Variants in CEP126 observed in about 807,000 individuals in gnomAD.
CEP126 encodes centrosomal protein 126, also known as centrosomal protein of 126 kDa.
A neutral mutation model predicts 107.8 loss-of-function variants in CEP126; 74 were observed. The ratio of observed to expected loss-of-function variants is 0.69; its 90% CI spans 0.57 to 0.83. The LOEUF is 0.83. CEP126 is among the 40% of genes least tolerant of loss of function. The pLI, the probability that CEP126 is intolerant of heterozygous loss-of-function variation, is 0.00. For synonymous variants in CEP126, 449 were observed against 446.0 expected, an observed-to-expected ratio of 1.01 and a Z score of -0.08; for missense variants, 1,237 against 1,281.9, an observed-to-expected ratio of 0.96 and a Z score of 0.53.
chr11:101,930,869 T>C (rs187271062), intron 2 of CEP126, among the ~76,000 whole-genome samples: 2 of 152,300 alleles, frequency 1.3e-5, no homozygotes, highest in African/African-American at 2.4e-5. Context: ...TCTGTAGATA[T>C]GGAACTCACA....
intron 6 of CEP126, among the ~76,000 whole-genome samples, chr11:101,972,380 C>A (rs537912230): frequency 6.6e-6 from 1 of 151,602 alleles, no homozygotes; most frequent in Non-Finnish European, 1.5e-5. Flanking sequence ...GAGCCGAGAT[C>A]GCGCCACTGC....
intron 7 of CEP126, among the ~76,000 whole-genome samples, chr11:101,980,783 G>A (rs947097550): frequency 6.6e-6 from 1 of 152,172 alleles, no homozygotes; most frequent in African/African-American, 2.4e-5. Flanking sequence ...AAAGAGATAA[G>A]TGAAAGGTAG....
intron 9 of CEP126, among the ~76,000 whole-genome samples, chr11:101,988,253 A>T (rs1341138036): frequency 6.6e-6 from 1 of 152,204 alleles, no homozygotes; most frequent in Non-Finnish European, 1.5e-5. Context: ...GGAAATTGAA[A>T]ATATAATAAT....
chr11:101,966,093 C>A (rs1263644739), intron 6 of CEP126, among the ~76,000 whole-genome samples: 5 of 152,100 alleles, frequency 3.3e-5, no homozygotes, highest in Non-Finnish European at 1.5e-5. Context: ...GGAGGTAGTT[C>A]TCTCTGGGAC....
rs974917721 is a variant in CEP126 at position 101,981,983 on chromosome 11, A to G, written c.3034+19A>G. 11 of 1,321,102 alleles carry G rather than the reference A, an allele frequency of 8.3e-6. No individual in the cohort carries two copies. In the African/African-American group the frequency reaches 1.3e-4, roughly 16 times the overall value. The allele number at this position is 1,321,102 out of a possible 1,614,324, so 81.8% of individuals were successfully genotyped here. ...GAAGAAGGTATGTTTTAGTTTAAAC[A>G]TTTTTCTCTGATCTTTGTTCCCAGT... On this transcript the variant is annotated intron_variant, in intron 8 of 10. Coordinates refer to ENST00000263468, the MANE Select transcript of CEP126 (RefSeq NM_020802.4).
At chr11:101,925,423 G>A (rs1940391739) in intron 2 of CEP126, among the ~76,000 whole-genome samples, 1 of 151,976 alleles carries the variant, frequency 6.6e-6, no homozygotes, top group Non-Finnish European at 1.5e-5. Flanking sequence ...ATTATGTCAG[G>A]AAAAGAATTT....
chr11:101,920,504 A>G (rs572260918), intron 1 of CEP126, among the ~76,000 whole-genome samples: 9 of 152,298 alleles, frequency 5.9e-5, no homozygotes, highest in African/African-American at 2.2e-4. Context: ...TCTAAAAAAG[A>G]CAAATAGATA....
At chr11:101,957,547 G>T (rs901038390) in intron 4 of CEP126, among the ~76,000 whole-genome samples, 1 of 152,086 alleles carries the variant, frequency 6.6e-6, no homozygotes, top group African/African-American at 2.4e-5. Flanking sequence ...TATATTAAGG[G>T]TACGCTTCTG....
intron 4 of CEP126, among the ~76,000 whole-genome samples, chr11:101,953,086 T>G (rs1452128414): frequency 6.6e-6 from 1 of 152,232 alleles, no homozygotes; most frequent in African/African-American, 2.4e-5. Flanking sequence ...ATCTACCTAT[T>G]CTGGATAAGA....
intron 9 of CEP126, among the ~76,000 whole-genome samples, chr11:101,987,568 C>G (rs11225097): frequency 4.0e-5 from 6 of 151,476 alleles, no homozygotes; most frequent in African/African-American, 1.5e-4. Context: ...AGTAGTCTCA[C>G]AGAAGATCTT....
chr11:101,928,561 A>G (rs1223799518), intron 2 of CEP126, among the ~76,000 whole-genome samples: 2 of 152,158 alleles, frequency 1.3e-5, no homozygotes, highest in African/African-American at 4.8e-5. Context: ...GATGTGTACC[A>G]AAGTTTGGAG....
At chr11:101,994,378 T>A (rs575465007) in intron 10 of CEP126, among the ~76,000 whole-genome samples, 1 of 152,364 alleles carries the variant, frequency 6.6e-6, no homozygotes, top group South Asian at 2.1e-4. Context: ...TTTAGCTAGG[T>A]TCCATTTGTC....
chr11:101,976,619 G>A (rs12797831), intron 6 of CEP126, among the ~76,000 whole-genome samples: 3 of 152,054 alleles, frequency 2.0e-5, no homozygotes, highest in Admixed American at 2.0e-4. Context: ...CGATGCCCCA[G>A]ACCAATTGAA....
rs190513535 is a variant in CEP126, at chr11:101,915,255, G to C, written c.-30G>C. The C allele has an allele frequency of 1.2e-6, 2 of 1,612,048 alleles. No homozygotes were observed. Among genetic ancestry groups the C allele is most frequent in the Non-Finnish European group, 1.7e-6 (2 of 1,179,286 alleles). ...AGCTGCCATGAGGGAGGTTCTGGGGGCGAGCAGACAGGCGGCGCTGAAGTG... is the reference window on the plus strand; with the variant it reads ...AGCTGCCATGAGGGAGGTTCTGGGGCCGAGCAGACAGGCGGCGCTGAAGTG... On this transcript the variant is annotated 5_prime_UTR_variant, in exon 1 of 11. Transcript: ENST00000263468.
chr11:101,917,947 A>G (rs1005680528), intron 1 of CEP126, among the ~76,000 whole-genome samples: 2 of 152,190 alleles, frequency 1.3e-5, no homozygotes, highest in African/African-American at 4.8e-5. Context: ...AAACAGGAAC[A>G]GGGTTCTTTC....
At chr11:101,946,178 G>A (rs1466501841) in intron 3 of CEP126, among the ~76,000 whole-genome samples, 7 of 151,028 alleles carry the variant, frequency 4.6e-5, no homozygotes, top group East Asian at 1.9e-4. Context: ...GCTCTTCTTC[G>A]CTACTGTGCC....
intron 6 of CEP126, among the ~76,000 whole-genome samples, chr11:101,968,088 C>T (rs1941078793): frequency 6.6e-6 from 1 of 152,094 alleles, no homozygotes; most frequent in South Asian, 2.1e-4. Context: ...ATAAGCCATT[C>T]TTTTCAAGTA....
At chr11:101,922,412 C>T (rs1373008024) in intron 1 of CEP126, among the ~76,000 whole-genome samples, 2 of 151,954 alleles carry the variant, frequency 1.3e-5, no homozygotes, top group East Asian at 1.9e-4. Flanking sequence ...ATCTTTCTGC[C>T]TCAGCCTCCT....
intron 6 of CEP126, among the ~76,000 whole-genome samples, chr11:101,966,920 C>T (rs748169062): frequency 5.9e-5 from 9 of 151,994 alleles, no homozygotes; most frequent in Non-Finnish European, 8.8e-5. Flanking sequence ...AGCACATTCT[C>T]CTCTCTTTTC....
Sources: allele counts gnomAD v4.1 joint callset (sites outside exome capture counted in the v4.1 genomes callset), GRCh38; gene constraint gnomAD v4.1.1; transcripts MANE v1.5; gene names NCBI Gene and HGNC (gene_info 2026-07-23, HGNC 2026-07-21).